MAP4K4: variants seen among roughly 807,000 people sequenced by gnomAD.
MAP4K4 encodes the protein HPK/GCK-like kinase HGK.
Under a neutral mutation model 189.6 loss-of-function variants are expected in MAP4K4, and 38 were observed. The observed-to-expected ratio is 0.20, with a 90% CI of 0.15 to 0.26. The LOEUF (loss-of-function observed/expected upper bound fraction) is 0.26, where lower values mean the gene tolerates loss of function less well. Ranked by LOEUF, MAP4K4 falls within the 10% of genes least tolerant of loss-of-function variation. MAP4K4 has a pLI of 1.00. For missense variants in MAP4K4, 1,054 were observed against 1,726.9 expected, an observed-to-expected ratio of 0.61 and a Z score of 6.91; for synonymous variants, 610 against 624.3, an observed-to-expected ratio of 0.98 and a Z score of 0.34.
intron 9 of MAP4K4, 123 bp downstream of exon 9, chr2:101,836,101 C>G (rs2096742179): frequency 3.1e-6 from 2 of 638,206 alleles, no homozygotes; most frequent in Admixed American, 2.9e-5. Flanking sequence ...AGAGCCAGTT[C>G]TCCAAAACAC....
chr2:101,697,942 C>CCG, exon 1 of MAP4K4: 1 of 277,170 alleles, frequency 3.6e-6, no homozygotes, highest in Non-Finnish European at 6.0e-6. Flanking sequence ...GCCGCCGCCG[C>CCG]CCGCGGCCCC....
At chr2:101,729,041 A>G (rs896074225) in intron 2 of MAP4K4, among the ~76,000 whole-genome samples, 1 of 151,606 alleles carries the variant, frequency 6.6e-6, no homozygotes, top group South Asian at 2.1e-4. Flanking sequence ...AGCAGAAGCA[A>G]CTTAAGAGTT....
intron 3 of MAP4K4, among the ~76,000 whole-genome samples, chr2:101,805,161 C>T (rs1299338848): frequency 6.7e-6 from 1 of 149,758 alleles, no homozygotes; most frequent in Admixed American, 6.6e-5. Flanking sequence ...AAATTATAAA[C>T]TCAGTAAATT....
intron 2 of MAP4K4, among the ~76,000 whole-genome samples, chr2:101,784,272 GTGTGTGTGTGTGTGTA>G (rs971839373): frequency 1.3e-4 from 19 of 145,462 alleles, no homozygotes; most frequent in African/African-American, 5.0e-4. Context: ...TCGTGTGTGT[GTGTGTGTGTGTGTGTA>G]TGTGTGTGTG....
At chr2:101,887,024 C>CAAA (rs569902749) in intron 29 of MAP4K4, 64 bp from the exon 30 acceptor site, 370 of 846,710 alleles carry the variant, frequency 4.4e-4, no homozygotes, top group Middle Eastern at 1.2e-3. Flanking sequence ...GACTCCGTCT[C>CAAA]AAAAAAAAAA....
chr2:101,804,053 C>T (rs914492314), intron 3 of MAP4K4, among the ~76,000 whole-genome samples: 2 of 152,122 alleles, frequency 1.3e-5, no homozygotes, highest in Non-Finnish European at 2.9e-5. Flanking sequence ...TCTCTCTGCT[C>T]CAAGGGCAGA....
At chr2:101,893,013 AT>A in exon 33 of MAP4K4, 1 of 456,226 alleles carries the variant, frequency 2.2e-6, no homozygotes, top group Non-Finnish European at 4.4e-6. Flanking sequence ...TTTGTGGTTA[AT>A]TTTCCTGTAT....
chr2:101,796,854 A>G (rs866429553), intron 3 of MAP4K4, among the ~76,000 whole-genome samples: 2 of 152,190 alleles, frequency 1.3e-5, no homozygotes, highest in Non-Finnish European at 2.9e-5. Context: ...GGATATGTGG[A>G]AGTAAAAGCT....
At chr2:101,810,552 C>T (rs554121885) in intron 3 of MAP4K4, among the ~76,000 whole-genome samples, 70 of 152,104 alleles carry the variant, frequency 4.6e-4, no homozygotes, top group Non-Finnish European at 8.5e-4. Flanking sequence ...TTGTTACTTA[C>T]TGTATCCCTC....
chr2:101,879,756 G>A (rs985407685), intron 27 of MAP4K4, among the ~76,000 whole-genome samples: 3 of 150,826 alleles, frequency 2.0e-5, no homozygotes, highest in Admixed American at 6.6e-5. Context: ...CTTTGAACAT[G>A]TTAGGTTGAT....
intron 2 of MAP4K4, among the ~76,000 whole-genome samples, chr2:101,770,292 G>A (rs553207192): frequency 3.6e-5 from 5 of 139,120 alleles, no homozygotes; most frequent in Non-Finnish European, 7.6e-5. Flanking sequence ...CTTGTCGCCC[G>A]GGCTGGAGTG....
intron 3 of MAP4K4, among the ~76,000 whole-genome samples, chr2:101,799,150 G>A (rs1027507327): frequency 6.6e-6 from 1 of 152,140 alleles, no homozygotes; most frequent in Non-Finnish European, 1.5e-5. Context: ...TTATTTAGTA[G>A]TCATATCCTG....
chr2:101,756,521 G>A (rs1444948033), intron 2 of MAP4K4, among the ~76,000 whole-genome samples: 1 of 152,026 alleles, frequency 6.6e-6, no homozygotes, highest in Admixed American at 6.6e-5. Context: ...GTCCTCTGGG[G>A]TCTGGTTCAT....
intron 22 of MAP4K4, chr2:101,870,001 G>T (rs1304742657): frequency 1.5e-6 from 1 of 676,510 alleles, no homozygotes; most frequent in African/African-American, 1.8e-5. Context: ...GCACCCCAGC[G>T]TGTACTTTAT....
At chr2:101,888,968 CTCTA>C (rs753121313) in intron 32 of MAP4K4, 33 bp downstream of exon 32, 2 of 1,565,448 alleles carry the variant, frequency 1.3e-6, no homozygotes, top group African/African-American at 1.4e-5. Flanking sequence ...TTTTTAGTTG[CTCTA>C]TCTTTTAATA....
At chr2:101,839,299 G>A (rs2096852495) in intron 9 of MAP4K4, among the ~76,000 whole-genome samples, 1 of 152,214 alleles carries the variant, frequency 6.6e-6, no homozygotes, top group South Asian at 2.1e-4. Flanking sequence ...CACCTTTGTA[G>A]GTTAAACAGA....
At chr2:101,892,887 A>T (rs1369829747) in exon 33 of MAP4K4, 2 of 456,360 alleles carry the variant, frequency 4.4e-6, no homozygotes, top group African/African-American at 4.0e-5. Flanking sequence ...TCCATGTCAC[A>T]GTCCTGCCAT....
chr2:101,744,003 C>G (rs2063993129), intron 2 of MAP4K4, among the ~76,000 whole-genome samples: 1 of 152,092 alleles, frequency 6.6e-6, no homozygotes, highest in East Asian at 1.9e-4. Context: ...GTAGGACTGC[C>G]TGTTTTCTTA....
chr2:101,823,033 G>T (rs539531532), intron 3 of MAP4K4, among the ~76,000 whole-genome samples: 1 of 152,148 alleles, frequency 6.6e-6, no homozygotes, highest in South Asian at 2.1e-4. Flanking sequence ...CTCTTTGCAG[G>T]TAGTATGTCA....
Sources: allele counts gnomAD v4.1 joint callset (sites outside exome capture counted in the v4.1 genomes callset), GRCh38; gene constraint gnomAD v4.1.1; transcripts MANE v1.5; gene names NCBI Gene and HGNC (gene_info 2026-07-23, HGNC 2026-07-21).